Variants in PKNOX1 observed in about 807,000 individuals in gnomAD.
The protein encoded by PKNOX1 is homeobox protein PKNOX1.
A neutral mutation model predicts 51.9 loss-of-function variants in PKNOX1; 15 were observed. The observed-to-expected ratio is 0.29, with a 90% CI of 0.19 to 0.45. The LOEUF is 0.45. PKNOX1 is among the 20% of genes least tolerant of loss of function. The pLI is 1.00. For synonymous variants in PKNOX1, 219 were observed against 211.1 expected (o/e 1.04, Z -0.32); for missense variants, 462 against 547.5 (o/e 0.84, Z 1.56).
intron 9 of PKNOX1, among the ~76,000 whole-genome samples, chr21:43,027,824 C>A (rs1980047987): frequency 1.3e-5 from 2 of 152,154 alleles, no homozygotes; most frequent in Non-Finnish European, 2.9e-5. Flanking sequence ...GCTGAGGCAG[C>A]AGAATCGCTT....
At chr21:42,996,891 A>ATTT (rs34637573) in intron 1 of PKNOX1, among the ~76,000 whole-genome samples, 1 of 145,242 alleles carries the variant, frequency 6.9e-6, no homozygotes, top group African/African-American at 2.5e-5. Flanking sequence ...TTTGTATTTG[A>ATTT]TTTTTTTTTT....
intron 6 of PKNOX1, 65 bp from the exon 7 acceptor site, chr21:43,018,068 A>AAAG (rs1979572074): frequency 4.8e-6 from 4 of 825,760 alleles, no homozygotes; most frequent in African/African-American, 3.5e-5. Context: ...AAAAAAAAAA[A>AAAG]AAGAAGAATG....
chr21:43,025,102 G>A (rs1365762906), intron 9 of PKNOX1, among the ~76,000 whole-genome samples, 155 bp downstream of exon 9: 3 of 152,082 alleles, frequency 2.0e-5, no homozygotes, highest in African/African-American at 4.8e-5. Flanking sequence ...GCCCAGGCTG[G>A]TCTCGAACTC....
At chr21:43,025,015 T>A in intron 9 of PKNOX1, 68 bp downstream of exon 9, 1 of 934,164 alleles carries the variant, frequency 1.1e-6, no homozygotes, top group Non-Finnish European at 1.7e-6. Context: ...CTGGCACCAA[T>A]ACATGGTGAA....
chr21:42,998,399 C>A (rs1484804768), intron 1 of PKNOX1, among the ~76,000 whole-genome samples: 2 of 152,084 alleles, frequency 1.3e-5, no homozygotes, highest in Non-Finnish European at 2.9e-5. Flanking sequence ...ATCATTGTGC[C>A]CCTGCCCCCT....
chr21:43,008,834 A>G (rs896158214), intron 3 of PKNOX1, among the ~76,000 whole-genome samples: 1 of 152,190 alleles, frequency 6.6e-6, no homozygotes, highest in South Asian at 2.1e-4. Flanking sequence ...TAACTCAGCA[A>G]TTCTACTCCT....
chr21:42,992,202 G>A (rs2059091338), intron 1 of PKNOX1, among the ~76,000 whole-genome samples: 1 of 152,190 alleles, frequency 6.6e-6, no homozygotes. Context: ...ACTGTTGCAG[G>A]CACCAGAGTT....
At chr21:42,978,804 G>T (rs1159481719) in intron 1 of PKNOX1, among the ~76,000 whole-genome samples, 1 of 151,820 alleles carries the variant, frequency 6.6e-6, no homozygotes, top group Non-Finnish European at 1.5e-5. Flanking sequence ...TTTTTTTAAA[G>T]AGATGAAGTC....
intron 1 of PKNOX1, among the ~76,000 whole-genome samples, chr21:42,990,443 G>A (rs1343252222): frequency 6.6e-6 from 1 of 152,114 alleles, no homozygotes; most frequent in African/African-American, 2.4e-5. Flanking sequence ...TCTAAGGAAG[G>A]CAGATGAAGA....
At chr21:43,028,647 G>A (rs2146297728) in intron 9 of PKNOX1, 55 bp from the exon 10 acceptor site, 1 of 1,529,124 alleles carries the variant, frequency 6.5e-7, no homozygotes, top group Non-Finnish European at 9.0e-7. Flanking sequence ...TGTTAATCCT[G>A]TATAGGGTCT....
chr21:42,974,973 C>A (rs1419606449), intron 1 of PKNOX1, among the ~76,000 whole-genome samples: 2 of 147,348 alleles, frequency 1.4e-5, no homozygotes, highest in African/African-American at 4.9e-5. Flanking sequence ...GAAGGCGCCG[C>A]CGCCGCCGCG....
At chr21:43,029,016 A>C in intron 10 of PKNOX1, 142 bp downstream of exon 10, 1 of 788,604 alleles carries the variant, frequency 1.3e-6, no homozygotes, top group Non-Finnish European at 2.1e-6. Context: ...TGCAACTAAA[A>C]CATGAGGAAG....
chr21:43,000,185 C>T (rs1341254182), intron 1 of PKNOX1, among the ~76,000 whole-genome samples: 1 of 152,204 alleles, frequency 6.6e-6, no homozygotes, highest in Non-Finnish European at 1.5e-5. Flanking sequence ...GTTGCACCCT[C>T]TGCCTCTTAC....
intron 1 of PKNOX1, among the ~76,000 whole-genome samples, chr21:42,998,231 T>G (rs1018008025): frequency 2.0e-5 from 3 of 152,068 alleles, no homozygotes; most frequent in African/African-American, 7.3e-5. Context: ...GCAGGGGAGC[T>G]CCTCTTTTTA....
chr21:42,994,717 TTCTC>T (rs1978414040), intron 1 of PKNOX1, among the ~76,000 whole-genome samples: 1 of 152,034 alleles, frequency 6.6e-6, no homozygotes, highest in Non-Finnish European at 1.5e-5. Flanking sequence ...GAGCACGTAC[TTCTC>T]AAAATGGTGA....
chr21:42,982,824 C>T (rs1368334966), intron 1 of PKNOX1, among the ~76,000 whole-genome samples: 1 of 151,558 alleles, frequency 6.6e-6, no homozygotes, highest in Non-Finnish European at 1.5e-5. Context: ...TTTTTTTCCC[C>T]CACGAAACAG....
chr21:42,983,842 G>A (rs1034248754), intron 1 of PKNOX1, among the ~76,000 whole-genome samples: 7 of 151,916 alleles, frequency 4.6e-5, no homozygotes, highest in African/African-American at 1.2e-4. Flanking sequence ...CAGTTTCTCC[G>A]TATCTTACCC....
At chr21:42,979,779 CTG>C (rs761616575) in intron 1 of PKNOX1, among the ~76,000 whole-genome samples, 24 of 152,050 alleles carry the variant, frequency 1.6e-4, no homozygotes, top group Non-Finnish European at 3.1e-4. Context: ...TGCTTATAGT[CTG>C]TTGAATCTAA....
chr21:43,027,678 C>G (rs234726), intron 9 of PKNOX1, among the ~76,000 whole-genome samples: 36,426 of 151,646 alleles, frequency 0.24, 4,772 homozygotes, highest in Non-Finnish European at 0.29. Context: ...CCAGCACTTT[C>G]GGAGACCAAG....
Sources: allele counts gnomAD v4.1 joint callset (sites outside exome capture counted in the v4.1 genomes callset), GRCh38; gene constraint gnomAD v4.1.1; transcripts MANE v1.5; gene names NCBI Gene and HGNC (gene_info 2026-07-23, HGNC 2026-07-21).